The following SNX2 variants were observed in gnomAD, a reference collection of about 807,000 sequenced individuals.
SNX2 encodes sorting nexin 2.
In SNX2, 25 loss-of-function variants were observed where a neutral mutation model predicts 69.9. The observed-to-expected ratio is 0.36, with a 90% CI of 0.26 to 0.50. The LOEUF (loss-of-function observed/expected upper bound fraction) is 0.50, where lower values mean the gene tolerates loss of function less well. SNX2 is among the 20% of genes least tolerant of loss of function. The pLI is 0.97. For synonymous variants in SNX2, 229 were observed against 200.4 expected (o/e 1.14, Z -1.20); for missense variants, 551 against 613.3 (o/e 0.90, Z 1.07).
intron 1 of SNX2, among the ~76,000 whole-genome samples, chr5:122,787,034 T>A (rs1753106551): frequency 6.6e-6 from 1 of 152,214 alleles, no homozygotes; most frequent in Admixed American, 6.5e-5. Flanking sequence ...GTAGTTCTGA[T>A]CATGAAGAAC....
In SNX2 at chr5:122,803,510, G is replaced by T; in HGVS notation, c.540G>T (p.Val180=). The T allele has an allele frequency of 6.2e-7, 1 of 1,611,962 alleles. No homozygotes were observed. Among genetic ancestry groups the T allele is most frequent in the East Asian group, 2.2e-5 (1 of 44,786 alleles). ...LSMFSKSEFS[V]KRRFSDFLGL... is the part of the protein sequence containing the mutation. ...TGTTCAGTAAGAGTGAATTTTCAGT[G>T]AAAAGAAGATTCAGCGACTTTCTTG... is the stretch of plus-strand genomic sequence containing the variant. Residue 180 remains valine, a synonymous_variant, in exon 6 of 15, where the codon GTG becomes GTT. Coordinates refer to ENST00000379516, the MANE Select transcript of SNX2 (RefSeq NM_003100.4).
chr5:122,807,255 G>A (rs1263800391), intron 6 of SNX2, among the ~76,000 whole-genome samples: 2 of 151,464 alleles, frequency 1.3e-5, no homozygotes, highest in Non-Finnish European at 2.9e-5. Flanking sequence ...GAGTGAGACC[G>A]TGTTTCGAAA....
chr5:122,782,191 A>G (rs1422391938), intron 1 of SNX2, among the ~76,000 whole-genome samples: 1 of 151,998 alleles, frequency 6.6e-6, no homozygotes, highest in Non-Finnish European at 1.5e-5. Context: ...TACCATCTGA[A>G]TATTATCTTT....
chr5:122,812,303 C>T (rs996256306), intron 7 of SNX2, among the ~76,000 whole-genome samples: 1 of 152,206 alleles, frequency 6.6e-6, no homozygotes, highest in African/African-American at 2.4e-5. Context: ...CCCATTTGAT[C>T]TCATATCCTC....
chr5:122,810,757 G>T (rs531016423), intron 7 of SNX2, among the ~76,000 whole-genome samples: 10 of 152,084 alleles, frequency 6.6e-5, no homozygotes, highest in Non-Finnish European at 1.5e-4. Flanking sequence ...CTTGTTAAAT[G>T]GTACCATAGT....
In SNX2 at chr5:122,803,588, A is replaced by T; in HGVS notation, c.618A>T (p.Pro206=). The T allele has an allele frequency of 6.2e-7, 1 of 1,609,844 alleles. No individual in the cohort carries two copies. Among genetic ancestry groups the T allele is most frequent in the Non-Finnish European group, 8.5e-7 (1 of 1,178,796 alleles). Residue 206 remains proline, a synonymous_variant, in exon 6 of 15, where the codon CCA becomes CCT. Transcript: ENST00000379516. Reference sequence around the variant, plus strand: ...ATTTACATGTTGGTTATATTGTGCCACCAGCTCCAGAAAAGAGTATAGTAG... The same window carrying T: ...ATTTACATGTTGGTTATATTGTGCCTCCAGCTCCAGAAAAGAGTATAGTAG... ...SKYLHVGYIV[P]PAPEKSIVGM... is the part of the protein sequence containing the mutation.
At chr5:122,784,210 C>G (rs1279992241) in intron 1 of SNX2, among the ~76,000 whole-genome samples, 1 of 149,796 alleles carries the variant, frequency 6.7e-6, no homozygotes, top group African/African-American at 2.4e-5. Flanking sequence ...AGTCTTTATA[C>G]CTTTTTTTTT....
chr5:122,803,379 G>GAT, intron 5 of SNX2, 93 bp from the exon 6 acceptor site: 1 of 1,212,824 alleles, frequency 8.2e-7, no homozygotes, highest in Non-Finnish European at 1.1e-6. Flanking sequence ...TTGCAAAGTA[G>GAT]ATACATGTAT....
Position 122,808,480 on chromosome 5 carries a change from T to C in SNX2, c.722+125T>C, listed in dbSNP as rs1753700970. ...TTCCAAAGTACCACTTGGTGGCTTT[T>C]AAGACTGCTTTAAACTTTTTTAAGA... On this transcript the variant is annotated intron_variant, in intron 7 of 14. Coordinates refer to ENST00000379516, the MANE Select transcript of SNX2 (RefSeq NM_003100.4). 1.5e-5 allele frequency: 9 copies of C among 597,842 alleles called. 1 individual carries two copies. In the South Asian group the frequency reaches 2.4e-4, roughly 16 times the overall value. The allele number at this position is 597,842 out of a possible 1,614,324, so 37.0% of individuals were successfully genotyped here.
At chr5:122,829,526 C>A in intron 14 of SNX2, 72 bp from the exon 15 acceptor site, 1 of 1,225,810 alleles carries the variant, frequency 8.2e-7, no homozygotes. Context: ...TTTTTTAATG[C>A]TGTACAGGAT....
chr5:122,829,775 TACACACACACACACACAC>T lies in SNX2; in HGVS notation c.*146_*163del, dbSNP rs3990570. The T allele has an allele frequency of 1.5e-4, 79 of 525,420 alleles. No homozygotes were observed. Among genetic ancestry groups the T allele is most frequent in the African/African-American group, 3.8e-4 (19 of 50,578 alleles). The allele number at this position is 525,420 out of a possible 1,614,324, so 32.5% of individuals were successfully genotyped here. ...TTTATGAATTACATGTGGTTTTATA[TACACACACACACACACAC>T]ACACACACACACACACACTCTGACA... On this transcript the variant is annotated 3_prime_UTR_variant, in exon 15 of 15. Coordinates refer to ENST00000379516, the MANE Select transcript of SNX2 (RefSeq NM_003100.4).
chr5:122,813,599 T>C (rs1305737742), intron 7 of SNX2, among the ~76,000 whole-genome samples: 1 of 152,016 alleles, frequency 6.6e-6, no homozygotes, highest in African/African-American at 2.4e-5. Flanking sequence ...ATATGAATTT[T>C]AAAAGACAGG....
In SNX2 at chr5:122,802,379, G is replaced by A. The variant is rs111304509; in HGVS notation, c.501+255G>A. Among the ~76,000 whole-genome samples the A allele has an allele frequency of 2.0e-5, 3 of 152,292 alleles. No individual in the cohort carries two copies. The South Asian group carries it at 6.2e-4, about 32-fold the overall frequency. ...GGTGAGGGAAATGATGGGGAGGAGG[G>A]GGGGAAGAAGAAGAATGCTTGTGCC... On this transcript the variant is annotated intron_variant, in intron 5 of 14. Transcript: ENST00000379516.
intron 7 of SNX2, among the ~76,000 whole-genome samples, chr5:122,811,825 CTAAATAAATAAA>C (rs376912042): frequency 1.4e-3 from 187 of 132,018 alleles, no homozygotes; most frequent in African/African-American, 2.5e-3. Flanking sequence ...GACTCCGTCT[CTAAATAAATAAA>C]TAAATAAATA....
At chr5:122,823,012 T>G (rs1335556581) in intron 11 of SNX2, among the ~76,000 whole-genome samples, 1 of 152,196 alleles carries the variant, frequency 6.6e-6, no homozygotes, top group Non-Finnish European at 1.5e-5. Flanking sequence ...ATGATAATAA[T>G]TAAAATTGTA....
At chr5:122,798,329 T>TA (rs1753431872) in intron 2 of SNX2, among the ~76,000 whole-genome samples, 1 of 152,190 alleles carries the variant, frequency 6.6e-6, no homozygotes, top group African/African-American at 2.4e-5. Flanking sequence ...TTCCTCTGGT[T>TA]ACCACAGTTT....
intron 1 of SNX2, among the ~76,000 whole-genome samples, chr5:122,789,442 T>TACAC (rs34588472): frequency 0.038 from 5,351 of 141,528 alleles, 133 homozygotes; most frequent in South Asian, 0.073. Context: ...CACACACACA[T>TACAC]ACACACACAC....
intron 4 of SNX2, 21 bp from the exon 5 acceptor site, chr5:122,802,060 A>T: frequency 6.2e-7 from 1 of 1,605,240 alleles, no homozygotes; most frequent in South Asian, 1.1e-5. Context: ...TTTTAATAGT[A>T]GTGTTTGACT....
rs182349922 is a variant in SNX2 at position 122,827,292 on chromosome 5, G to A, written c.1357-87G>A. ...ATATTGAGCTTTCTCAGGATTTTCA[G>A]GCATTGTGATTAAATTAAGTGAGTG... On this transcript the variant is annotated intron_variant, in intron 12 of 14. Coordinates refer to ENST00000379516, the MANE Select transcript of SNX2 (RefSeq NM_003100.4). 1.2e-5 allele frequency: 13 copies of A among 1,068,974 alleles called. No individual in the cohort carries two copies. The Admixed American group carries it at 2.2e-4, about 18-fold the overall frequency. The allele number at this position is 1,068,974 out of a possible 1,614,324, so 66.2% of individuals were successfully genotyped here.
Sources: gnomAD v4.1 joint callset for allele counts (sites outside exome capture counted in the v4.1 genomes callset) on GRCh38, gnomAD v4.1.1 for gene constraint, MANE v1.5 for transcripts, NCBI Gene and HGNC (gene_info 2026-07-23, HGNC 2026-07-21) for gene names.